DIS3L: variants seen among roughly 807,000 people sequenced by gnomAD.
DIS3L encodes the protein DIS3 like exosome 3'-5' exoribonuclease, also known as DIS3-like exonuclease 1.
In DIS3L, 100 loss-of-function variants were observed where a neutral mutation model predicts 120.3. The observed-to-expected ratio is 0.83, with a 90% CI of 0.71 to 0.98. The LOEUF is 0.98. DIS3L is among the 50% of genes least tolerant of loss of function. The pLI is 0.00. For missense variants in DIS3L, 1,196 were observed against 1,314.2 expected (o/e 0.91, Z 1.39); for synonymous variants, 426 against 470.6 (o/e 0.91, Z 1.23).
At chr15:66,294,355 C>T in intron 1 of DIS3L, 2 of 985,536 alleles carry the variant, frequency 2.0e-6, no homozygotes, top group African/African-American at 1.7e-5. Flanking sequence ...TAGAACGATG[C>T]ACGTTACTGG....
chr15:66,321,763 CAAAAAA>C (rs35742157), intron 9 of DIS3L, among the ~76,000 whole-genome samples: 1 of 100,970 alleles, frequency 9.9e-6, no homozygotes, highest in African/African-American at 3.2e-5. Context: ...GAGACTGTCT[CAAAAAA>C]AAAAAAAAAA....
At position 66,333,459 on chromosome 15, in the gene DIS3L, G is replaced by T; in HGVS notation, c.*147G>T. ...ATGTAAAATGTTCTCAGCCGGGCACGGTGGCTCACGCCTGTAACCCCAGCA... is the reference window on the plus strand; with the variant it reads ...ATGTAAAATGTTCTCAGCCGGGCACTGTGGCTCACGCCTGTAACCCCAGCA... On this transcript the variant is annotated 3_prime_UTR_variant, in exon 17 of 17. Transcript: ENST00000319212. 2 of 865,694 alleles carry T rather than the reference G, an allele frequency of 2.3e-6. No homozygotes were observed. The highest frequency in any genetic ancestry group is 3.4e-6 in the Non-Finnish European group (2 of 592,304). 53.6% of individuals were successfully genotyped at this position (865,694 alleles called of 1,614,324 possible).
At position 66,326,024 on chromosome 15, in the gene DIS3L, A is replaced by G; in HGVS notation, c.1861A>G (p.Lys621Glu). Residue 621 changes from lysine (K) to glutamate (E), a missense_variant, in exon 12 of 17, where the codon AAG (lysine) becomes GAG (glutamate). Lys to Glu is a moderately conservative substitution (Grantham distance 56). Transcript: ENST00000319212. ...KDLDEKSRQA[K>E]LEELVWAIGK... Reference sequence around the variant, plus strand: ...CTTGGATGAGAAGAGCAGACAAGCCAAGCTGGAGGAGTTGGTGTGGGCAAT... The same window carrying G: ...CTTGGATGAGAAGAGCAGACAAGCCGAGCTGGAGGAGTTGGTGTGGGCAAT... 6.2e-7 allele frequency: 1 copy of G among 1,614,178 alleles called. No homozygotes were observed. Among genetic ancestry groups the G allele is most frequent in the East Asian group, 2.2e-5 (1 of 44,876 alleles).
intron 1 of DIS3L, 165 bp downstream of exon 1, chr15:66,293,900 G>A: frequency 1.0e-6 from 1 of 1,001,578 alleles, no homozygotes. Context: ...TCTGCCGGTG[G>A]GGACCCAGCG....
intron 4 of DIS3L, among the ~76,000 whole-genome samples, chr15:66,309,094 A>AAAAAAAAAAAAAAAAATAT: frequency 1.3e-4 from 2 of 15,320 alleles, no homozygotes; most frequent in Non-Finnish European, 2.4e-4. Flanking sequence ...AAAAAAAAAA[A>AAAAAAAAAAAAAAAAATAT]ATATATATAT....
intron 2 of DIS3L, among the ~76,000 whole-genome samples, chr15:66,295,713 C>A (rs2092579213): frequency 6.6e-6 from 1 of 152,160 alleles, no homozygotes; most frequent in South Asian, 2.1e-4. Context: ...TTGCCTAGTA[C>A]TTAAATGAAG....
chr15:66,314,983 G>C (rs1595739347), intron 6 of DIS3L, 53 bp from the exon 7 acceptor site: 1 of 1,566,864 alleles, frequency 6.4e-7, no homozygotes, highest in African/African-American at 1.3e-5. Context: ...ATGCCTCACT[G>C]GTGTGCCATT....
intron 7 of DIS3L, among the ~76,000 whole-genome samples, chr15:66,315,991 T>C (rs957190088): frequency 3.3e-5 from 5 of 152,182 alleles, no homozygotes; most frequent in African/African-American, 9.6e-5. Context: ...GCTCTCCATC[T>C]CATTGTCCTC....
At chr15:66,320,290 T>C (rs575935989) in intron 8 of DIS3L, among the ~76,000 whole-genome samples, 1 of 152,128 alleles carries the variant, frequency 6.6e-6, no homozygotes, top group Non-Finnish European at 1.5e-5. Context: ...AACTAGAATA[T>C]ATTACGGCTC....
In DIS3L at chr15:66,315,152, C is replaced by G; in HGVS notation, c.931C>G (p.Leu311Val). Residue 311 changes from leucine (L) to valine (V), a missense_variant, in exon 7 of 17, where the codon CTG becomes GTG. Coordinates refer to ENST00000319212, the MANE Select transcript of DIS3L (RefSeq NM_001143688.3). ...KNEWKGRTVA[L>V]CENDCDDKAS... Reference sequence around the variant, plus strand: ...TGAATGGAAAGGAAGAACCGTAGCCCTGTGTGAGAATGACTGTGACGACAA... The same window carrying G: ...TGAATGGAAAGGAAGAACCGTAGCCGTGTGTGAGAATGACTGTGACGACAA... The G allele has an allele frequency of 6.2e-7, 1 of 1,614,058 alleles. No homozygotes were observed. Among genetic ancestry groups the G allele is most frequent in the Non-Finnish European group, 8.5e-7 (1 of 1,180,008 alleles).
At chr15:66,299,986 G>A (rs916287209) in intron 2 of DIS3L, among the ~76,000 whole-genome samples, 1 of 152,180 alleles carries the variant, frequency 6.6e-6, no homozygotes, top group African/African-American at 2.4e-5. Flanking sequence ...GGGAGGCGGA[G>A]GTTGCAGTGA....
At chr15:66,310,802 C>T (rs555157216) in intron 4 of DIS3L, among the ~76,000 whole-genome samples, 15 of 152,286 alleles carry the variant, frequency 9.8e-5, no homozygotes, top group Admixed American at 7.8e-4. Context: ...CTAGACTCTA[C>T]CCCTCAGACT....
chr15:66,304,772 G>T (rs11854159), intron 2 of DIS3L, among the ~76,000 whole-genome samples: 9,286 of 151,342 alleles, frequency 0.061, 371 homozygotes, highest in Middle Eastern at 0.11. Flanking sequence ...ATGGTGGCGG[G>T]CTCCTGTAAT....
intron 10 of DIS3L, 141 bp downstream of exon 10, chr15:66,323,075 C>T: frequency 4.1e-6 from 4 of 968,728 alleles, no homozygotes; most frequent in Non-Finnish European, 6.0e-6. Flanking sequence ...GAGGTCCACT[C>T]TCCATTTTCC....
At chr15:66,307,070 C>A in intron 3 of DIS3L, 118 bp downstream of exon 3, 1 of 1,276,600 alleles carries the variant, frequency 7.8e-7, no homozygotes, top group Non-Finnish European at 1.1e-6. Flanking sequence ...TATTCTGGAA[C>A]CATGATTAAC....
Position 66,308,695 on chromosome 15 carries a change from C to T in DIS3L, c.423-14C>T. 6.2e-7 allele frequency: 1 copy of T among 1,604,194 alleles called. No homozygotes were observed. Among genetic ancestry groups the T allele is most frequent in the South Asian group, 1.1e-5 (1 of 89,986 alleles). On this transcript the variant is annotated splice_polypyrimidine_tract_variant and intron_variant, in intron 3 of 16. Coordinates refer to ENST00000319212, the MANE Select transcript of DIS3L (RefSeq NM_001143688.3). Reference sequence around the variant, plus strand: ...TCTGCCTGGGGAGAGCTCATGTGCCCTTTGCTTTTCCAGGAGCATATACAA... The same window carrying T: ...TCTGCCTGGGGAGAGCTCATGTGCCTTTTGCTTTTCCAGGAGCATATACAA...
intron 5 of DIS3L, among the ~76,000 whole-genome samples, chr15:66,312,319 CA>C (rs763209496): frequency 6.6e-5 from 10 of 151,938 alleles, no homozygotes; most frequent in Non-Finnish European, 1.5e-4. Context: ...ACAAGATGGG[CA>C]TGAGTAAGTC....
At position 66,333,152 on chromosome 15, in the gene DIS3L, A is replaced by T; in HGVS notation, c.3005A>T (p.Lys1002Ile). ...AGTGAGTTAGTGAAAGAAGTAACTA[A>T]ATCTGTGGAAGAAGCTCAGCTTGCC... ...LKSELVKEVTKSVEEAQLAQE... is the reference protein window; with the variant it reads ...LKSELVKEVTISVEEAQLAQE... Residue 1002 changes from lysine to isoleucine, a missense_variant, in exon 17 of 17, where the codon AAA becomes ATA. Physicochemically the swap from Lys to Ile is moderately radical, Grantham distance 102. Transcript: ENST00000319212. 6.2e-7 allele frequency: 1 copy of T among 1,613,972 alleles called. No homozygotes were observed. The highest frequency in any genetic ancestry group is 8.5e-7 in the Non-Finnish European group (1 of 1,180,044).
intron 10 of DIS3L, 102 bp from the exon 11 acceptor site, chr15:66,323,391 C>T (rs2092905481): frequency 9.2e-7 from 1 of 1,090,162 alleles, no homozygotes. Context: ...CTTGGGGAAT[C>T]TGTAGTGAGA....
Sources: allele counts gnomAD v4.1 joint callset (sites outside exome capture counted in the v4.1 genomes callset), GRCh38; gene constraint gnomAD v4.1.1; transcripts MANE v1.5; gene names NCBI Gene and HGNC (gene_info 2026-07-23, HGNC 2026-07-21).